ULK4: variants seen among roughly 807,000 people sequenced by gnomAD.
ULK4 encodes the protein unc-51 like kinase 4.
Under a neutral mutation model 160.6 loss-of-function variants are expected in ULK4, and 133 were observed. That is an observed-to-expected ratio of 0.83 (90% CI 0.72 to 0.96). The LOEUF is 0.96. ULK4 is among the 40% of genes least tolerant of loss of function. The pLI, the probability that ULK4 is intolerant of heterozygous loss-of-function variation, is 0.00. For synonymous variants in ULK4, 534 were observed against 539.8 expected (o/e 0.99, Z 0.15); for missense variants, 1,580 against 1,499.5 (o/e 1.05, Z -0.89).
At position 41,663,659 on chromosome 3, in the gene ULK4, A is replaced by G. The variant is rs2035258287; in HGVS notation, c.3019T>C (p.Tyr1007His). 5 of 1,614,014 alleles carry G rather than the reference A, an allele frequency of 3.1e-6. No individual in the cohort carries two copies. The highest frequency in any genetic ancestry group is 4.2e-6 in the Non-Finnish European group (5 of 1,179,914). ...ATCGCGACTAGCAGTTTCAGAGCAT[A>G]TGCTGGTACTGGGTCAGGTTCTAAA... is the stretch of plus-strand genomic sequence containing the variant. Reference protein sequence around the residue: ...ILLEPDPVPAYALKLLVAMTE... With the variant: ...ILLEPDPVPAHALKLLVAMTE... Residue 1007 changes from tyrosine (Y) to histidine (H), a missense_variant, in exon 30 of 37, where the codon TAT (tyrosine) becomes CAT (histidine). By Grantham distance (83) the Tyr-to-His change is moderately conservative (BLOSUM62 2). Coordinates refer to ENST00000301831, the MANE Select transcript of ULK4 (RefSeq NM_017886.4).
chr3:41,398,591 T>A (rs972456997), intron 34 of ULK4, among the ~76,000 whole-genome samples: 8 of 147,174 alleles, frequency 5.4e-5, no homozygotes, highest in Non-Finnish European at 1.0e-4. Flanking sequence ...GTGGTCCCCC[T>A]ATGTTGCCCA....
At chr3:41,632,996 G>A (rs534594402) in intron 30 of ULK4, among the ~76,000 whole-genome samples, 104 of 152,296 alleles carry the variant, frequency 6.8e-4, no homozygotes, top group Middle Eastern at 6.8e-3. Flanking sequence ...CCTGGGCAAA[G>A]GGAATAGCAT....
At chr3:41,935,264 G>C (rs904627657) in intron 4 of ULK4, among the ~76,000 whole-genome samples, 1 of 134,834 alleles carries the variant, frequency 7.4e-6, no homozygotes, top group African/African-American at 3.2e-5. Flanking sequence ...GTCTTGCTCT[G>C]TTGCTAGGCT....
Position 41,933,660 on chromosome 3 carries a change from C to CCACT in ULK4, c.379-1658_379-1655dup, listed in dbSNP as rs140918701. Reference sequence around the variant, plus strand: ...CTACAGCCTCTGGGACAAACCCTGGCCACTGCCTTGTACAGCTATGAACTA... The same window carrying CCACT: ...CTACAGCCTCTGGGACAAACCCTGGCCACTCACTGCCTTGTACAGCTATGAACTA... On this transcript the variant is annotated intron_variant, in intron 4 of 36. Coordinates refer to ENST00000301831, the MANE Select transcript of ULK4 (RefSeq NM_017886.4). Among the ~76,000 whole-genome samples the CCACT allele has an allele frequency of 2.4e-3, 369 of 152,164 alleles. 3 individuals carry two copies. The highest frequency in any genetic ancestry group is 8.5e-3 in the African/African-American group (353 of 41,500).
chr3:41,838,117 A>G (rs1369065081), intron 17 of ULK4, among the ~76,000 whole-genome samples: 3 of 152,324 alleles, frequency 2.0e-5, no homozygotes, highest in Non-Finnish European at 4.4e-5. Context: ...TTACCTACAA[A>G]AACAGCAAAC....
At chr3:41,511,665 A>G (rs535665880) in intron 32 of ULK4, among the ~76,000 whole-genome samples, 12 of 152,292 alleles carry the variant, frequency 7.9e-5, no homozygotes, top group Admixed American at 7.9e-4. Context: ...CAACAACAAA[A>G]AAAAGTCCAG....
At chr3:41,840,251 A>G (rs2125658963) in intron 17 of ULK4, among the ~76,000 whole-genome samples, 1 of 152,300 alleles carries the variant, frequency 6.6e-6, no homozygotes, top group Middle Eastern at 3.4e-3. Context: ...CAACAAAGCA[A>G]GACCCTGTCT....
At chr3:41,353,940 C>A (rs2080976072) in intron 35 of ULK4, among the ~76,000 whole-genome samples, 1 of 152,086 alleles carries the variant, frequency 6.6e-6, no homozygotes, top group Non-Finnish European at 1.5e-5. Context: ...CAATTCAATG[C>A]AAATCACAAA....
chr3:41,419,492 C>G (rs146824291), intron 34 of ULK4, among the ~76,000 whole-genome samples: 9 of 152,250 alleles, frequency 5.9e-5, no homozygotes, highest in Non-Finnish European at 7.4e-5. Context: ...TGGAAATCCT[C>G]AAAGCATAGA....
chr3:41,644,879 C>T (rs1160391438), intron 30 of ULK4, among the ~76,000 whole-genome samples: 2 of 152,014 alleles, frequency 1.3e-5, no homozygotes, highest in Non-Finnish European at 2.9e-5. Flanking sequence ...GATACTGTTA[C>T]TGGTCTATTC....
intron 34 of ULK4, among the ~76,000 whole-genome samples, chr3:41,413,517 A>G (rs2082454548): frequency 6.6e-6 from 1 of 152,324 alleles, no homozygotes; most frequent in South Asian, 2.1e-4. Flanking sequence ...AAAATGCTCA[A>G]TAAAAAGTAG....
intron 2 of ULK4, among the ~76,000 whole-genome samples, chr3:41,949,746 TTTC>T (rs1335301029): frequency 6.9e-6 from 1 of 145,890 alleles, no homozygotes; most frequent in Non-Finnish European, 1.5e-5. Context: ...TTTTTTTTTC[TTTC>T]TTTTTTTTTG....
chr3:41,708,972 A>G (rs888917624), intron 25 of ULK4, among the ~76,000 whole-genome samples: 2 of 152,230 alleles, frequency 1.3e-5, no homozygotes, highest in African/African-American at 4.8e-5. Context: ...ATACAAATCT[A>G]TGGATACAGA....
rs1056453581 is a variant in ULK4 at position 41,372,878 on chromosome 3, G to A, written c.3678+25201C>T. On this transcript the variant is annotated intron_variant, in intron 35 of 36. Transcript: ENST00000301831. ...ATAAAGAGTCAAGATCCATAGGTGC[G>A]CTGTATTCGGAGACCCATCTCACAT... Among the ~76,000 whole-genome samples the A allele has an allele frequency of 5.3e-5, 8 of 152,274 alleles. No homozygotes were observed. In the East Asian group the frequency reaches 1.4e-3, roughly 26 times the overall value.
chr3:41,498,380 TA>T (rs2085066264), intron 32 of ULK4, among the ~76,000 whole-genome samples: 1 of 152,094 alleles, frequency 6.6e-6, no homozygotes, highest in Non-Finnish European at 1.5e-5. Context: ...CAATGGAGCT[TA>T]AAAAGAGTTG....
At chr3:41,926,037 C>A (rs1434118584) in intron 5 of ULK4, among the ~76,000 whole-genome samples, 2 of 151,796 alleles carry the variant, frequency 1.3e-5, no homozygotes, top group Non-Finnish European at 3.0e-5. Context: ...GTCCCTGACC[C>A]CTGTGTCTCC....
In ULK4 at chr3:41,306,134, G is replaced by C. The variant is rs1352769112; in HGVS notation, c.3679-56560C>G. 2.5e-4 allele frequency among the ~76,000 whole-genome samples: 29 copies of C among 115,956 alleles called. 2 individuals are homozygous for C. The highest frequency in any genetic ancestry group is 1.1e-3 in the African/African-American group (27 of 24,948). The allele number at this position is 115,956 out of a possible 152,430, so 76.1% of individuals were successfully genotyped here. A position where few individuals can be genotyped will look rare whatever the true frequency, so the allele number is the denominator to read the frequency against. On this transcript the variant is annotated intron_variant, in intron 35 of 36. Transcript: ENST00000301831. Reference sequence around the variant, plus strand: ...ACCCCGTCCGGGAGGGAGGTGGGGGGGGGGGGTCAGCCCCCCGCCAGGCCA... The same window carrying C: ...ACCCCGTCCGGGAGGGAGGTGGGGGCGGGGGGTCAGCCCCCCGCCAGGCCA...
chr3:41,733,524 T>C (rs371367602), intron 22 of ULK4, among the ~76,000 whole-genome samples: 3 of 152,082 alleles, frequency 2.0e-5, no homozygotes, highest in African/African-American at 4.8e-5. Flanking sequence ...TTATCTTATA[T>C]ACATACTTAA....
At chr3:41,827,388 G>C (rs1030343547) in intron 18 of ULK4, among the ~76,000 whole-genome samples, 3 of 151,912 alleles carry the variant, frequency 2.0e-5, no homozygotes, top group Admixed American at 6.6e-5. Context: ...TTTTTGAAAA[G>C]ATCAACAAAA....
Sources: allele counts gnomAD v4.1 joint callset (sites outside exome capture counted in the v4.1 genomes callset), GRCh38; gene constraint gnomAD v4.1.1; transcripts MANE v1.5; gene names NCBI Gene and HGNC (gene_info 2026-07-23, HGNC 2026-07-21).